The following TENM2 variants were observed in gnomAD, a reference collection of about 807,000 sequenced individuals.
TENM2 encodes teneurin transmembrane protein 2, also known as teneurin-2.
TENM2 carries 52 observed loss-of-function variants against 245.2 expected under a neutral mutation model. The ratio of observed to expected loss-of-function variants is 0.21; its 90% CI spans 0.17 to 0.27. The LOEUF (loss-of-function observed/expected upper bound fraction) is 0.27, where lower values mean the gene tolerates loss of function less well. Among genes scored for constraint, TENM2 ranks in the 10% least tolerant of loss-of-function variants. The probability of loss-of-function intolerance (pLI) is 1.00; values close to 1 mark genes in which losing one functional copy is unlikely to be tolerated. For synonymous variants in TENM2, 1,363 were observed against 1,438.9 expected (o/e 0.95, Z 1.19); for missense variants, 3,046 against 3,666.8 (o/e 0.83, Z 4.37).
At chr5:167,255,969 A>G in the TENM2 span, among the ~76,000 whole-genome samples, 1 of 152,142 alleles carries the variant, frequency 6.6e-6, no homozygotes, top group Non-Finnish European at 1.5e-5. Flanking sequence ...TTTGGAAACA[A>G]TGAGTTTTTG....
intron 2 of TENM2, among the ~76,000 whole-genome samples, chr5:167,584,401 T>G (rs6863316): frequency 0.61 from 91,959 of 151,654 alleles, 28,749 homozygotes; most frequent in Middle Eastern, 0.71. Flanking sequence ...ACCAGTCAGA[T>G]GCTGAAGTGA....
At chr5:167,244,908 G>C in the TENM2 span, among the ~76,000 whole-genome samples, 1 of 151,992 alleles carries the variant, frequency 6.6e-6, no homozygotes, top group Non-Finnish European at 1.5e-5. Context: ...CAAAAGTATA[G>C]TGGAAGTAAG....
intron 2 of TENM2, among the ~76,000 whole-genome samples, chr5:167,511,168 A>G (rs1769929039): frequency 6.6e-6 from 1 of 152,212 alleles, no homozygotes; most frequent in Non-Finnish European, 1.5e-5. Context: ...TCCTTAACTC[A>G]TCACAATCTA....
At chr5:168,039,849 A>T (rs528945661) in intron 5 of TENM2, among the ~76,000 whole-genome samples, 2 of 152,060 alleles carry the variant, frequency 1.3e-5, no homozygotes, top group African/African-American at 4.8e-5. Context: ...TCGCAGTGTC[A>T]ACAGCACCCA....
intron 2 of TENM2, among the ~76,000 whole-genome samples, chr5:167,716,922 T>C (rs1759306884): frequency 7.1e-6 from 1 of 141,668 alleles, no homozygotes; most frequent in Admixed American, 7.2e-5. Flanking sequence ...TTTTATTTTA[T>C]TTTATTTTAT....
At chr5:167,486,786 T>C (rs1768103110) in intron 2 of TENM2, among the ~76,000 whole-genome samples, 1 of 152,028 alleles carries the variant, frequency 6.6e-6, no homozygotes, top group African/African-American at 2.4e-5. Context: ...AGATTGGAGG[T>C]GACAACCCCA....
chr5:167,621,066 A>C (rs1312152055), intron 2 of TENM2, among the ~76,000 whole-genome samples: 21 of 152,138 alleles, frequency 1.4e-4, no homozygotes, highest in Admixed American at 1.4e-3. Flanking sequence ...TTGAACATTT[A>C]TTTATCCTTT....
intron 2 of TENM2, among the ~76,000 whole-genome samples, chr5:167,544,906 C>G (rs964854553): frequency 6.6e-6 from 1 of 152,088 alleles, no homozygotes; most frequent in East Asian, 1.9e-4. Flanking sequence ...TAACTCTAGG[C>G]ATCATGTGAA....
At chr5:167,450,051 A>C (rs2127473292) in intron 2 of TENM2, among the ~76,000 whole-genome samples, 1 of 152,280 alleles carries the variant, frequency 6.6e-6, no homozygotes, top group Non-Finnish European at 1.5e-5. Flanking sequence ...GGCTAGATGG[A>C]TGGATGGATG....
the TENM2 span, among the ~76,000 whole-genome samples, chr5:167,239,491 A>G: frequency 2.0e-5 from 3 of 152,152 alleles, no homozygotes; most frequent in African/African-American, 7.2e-5. Flanking sequence ...ATTCACCTCA[A>G]TAGTCCAGCT....
chr5:167,876,990 C>T (rs1163614396), intron 3 of TENM2, among the ~76,000 whole-genome samples: 1 of 152,130 alleles, frequency 6.6e-6, no homozygotes, highest in Non-Finnish European at 1.5e-5. Flanking sequence ...TTGATTTCTC[C>T]TGTTGGTGTT....
At chr5:167,992,271 A>T (rs572024892) in intron 4 of TENM2, among the ~76,000 whole-genome samples, 10 of 152,152 alleles carry the variant, frequency 6.6e-5, no homozygotes, top group South Asian at 2.1e-4. Flanking sequence ...TATTGAAATT[A>T]AAAAAAAGAA....
At chr5:167,864,427 C>A (rs1414384608) in intron 2 of TENM2, among the ~76,000 whole-genome samples, 3 of 152,196 alleles carry the variant, frequency 2.0e-5, no homozygotes, top group African/African-American at 7.2e-5. Context: ...CCATTTAATT[C>A]ATAAAGTTTA....
At chr5:168,026,540 C>A (rs551740416) in intron 5 of TENM2, among the ~76,000 whole-genome samples, 30 of 152,260 alleles carry the variant, frequency 2.0e-4, no homozygotes, top group Non-Finnish European at 4.1e-4. Context: ...ATCCACATAG[C>A]TATTAATTTA....
intron 2 of TENM2, among the ~76,000 whole-genome samples, chr5:167,743,531 C>G (rs891153717): frequency 2.0e-5 from 3 of 152,236 alleles, no homozygotes; most frequent in Admixed American, 6.5e-5. Flanking sequence ...GCAGTCTTTT[C>G]TTTTTCTTCC....
chr5:167,244,085 A>G, the TENM2 span, among the ~76,000 whole-genome samples: 1 of 152,098 alleles, frequency 6.6e-6, no homozygotes, highest in Non-Finnish European at 1.5e-5. Flanking sequence ...AATCTGTTCT[A>G]TTATTATTTG....
chr5:167,915,747 A>G (rs1776889333), intron 3 of TENM2, among the ~76,000 whole-genome samples: 1 of 152,200 alleles, frequency 6.6e-6, no homozygotes, highest in Non-Finnish European at 1.5e-5. Flanking sequence ...AACAAGAAAG[A>G]TGATCTGTAT....
chr5:167,693,783 G>A (rs888691570), intron 2 of TENM2, among the ~76,000 whole-genome samples: 11 of 152,236 alleles, frequency 7.2e-5, no homozygotes, highest in African/African-American at 2.6e-4. Flanking sequence ...TTAATGCTGT[G>A]TTTCACTTAC....
intron 7 of TENM2, among the ~76,000 whole-genome samples, chr5:168,075,114 A>G (rs247987): frequency 0.22 from 33,169 of 151,922 alleles, 4,391 homozygotes; most frequent in African/African-American, 0.37. Context: ...GAGGCCCCAA[A>G]GTCCATTGTA....
Sources: allele counts gnomAD v4.1 joint callset (sites outside exome capture counted in the v4.1 genomes callset), GRCh38; gene constraint gnomAD v4.1.1; transcripts MANE v1.5; gene names NCBI Gene and HGNC (gene_info 2026-07-23, HGNC 2026-07-21).